KRT40: variants seen among roughly 807,000 people sequenced by gnomAD.
KRT40 encodes the protein keratin, type I cytoskeletal 40.
In KRT40, 47 loss-of-function variants were observed where a neutral mutation model predicts 43.5. The observed-to-expected ratio is 1.08, with a 90% CI of 0.86 to 1.38. The LOEUF (loss-of-function observed/expected upper bound fraction) is 1.38. Ranked by LOEUF, KRT40 falls within the 40% of genes most tolerant of loss-of-function variation. The pLI is 0.00. For synonymous variants in KRT40, 212 were observed against 214.0 expected (o/e 0.99, Z 0.08); for missense variants, 573 against 523.6 (o/e 1.09, Z -0.92).
Position 40,983,071 on chromosome 17 carries a change from G to T in KRT40, c.505C>A (p.Leu169Met). The change falls in exon 2 of 7, where the codon CTG becomes ATG. Residue 169 changes from leucine (L) to methionine (M), a missense_variant. Physicochemically the swap from Leu to Met is conservative, Grantham distance 15. Transcript: ENST00000377755. ...TTTGACTTAAAGTCATCAGTGGCCA[G>T]TTTGCAGTTGTCAAGCTGTACAGCA... The part of the protein sequence containing the change: ...RLAVQLDNCK[L>M]ATDDFKSKYE... The T allele has an allele frequency of 6.8e-7, 1 of 1,468,930 alleles. No homozygotes were observed. The highest frequency in any genetic ancestry group is 9.5e-7 in the Non-Finnish European group (1 of 1,053,264). 91.0% of individuals were successfully genotyped at this position (1,468,930 alleles called of 1,614,324 possible).
At position 40,981,059 on chromosome 17, in the gene KRT40, CT is replaced by C; in HGVS notation, c.779del (p.Glu260GlyfsTer28). On this transcript the variant is annotated frameshift_variant, in exon 4 of 7. Transcript: ENST00000377755. LOFTEE classifies it high-confidence loss of function. ...PTLDLNRVLDEMRCQCETVLA... is the reference protein window; with the variant it reads ...PTLDLNRVLDXMRCQCETVLA... ...GCACCGTTTCACACTGACAGCGCAT[CT>C]CATCCAGGACCCTGTTGAGGTCAAG... 1 of 1,614,258 alleles carries C rather than the reference CT, an allele frequency of 6.2e-7. No individual in the cohort carries two copies. Among genetic ancestry groups the C allele is most frequent in the Non-Finnish European group, 8.5e-7 (1 of 1,180,050 alleles).
chr17:40,978,120 G>T lies in KRT40; in HGVS notation c.*77C>A. On this transcript the variant is annotated 3_prime_UTR_variant, in exon 7 of 7. Coordinates refer to ENST00000377755, the MANE Select transcript of KRT40 (RefSeq NM_001389244.1). ...CCTCCTGGATTTGTGCTTCCGGTTT[G>T]GATGTCCCTGGTTGAAGCCCCATCT... The T allele has an allele frequency of 9.3e-7, 1 of 1,078,122 alleles. No homozygotes were observed. Among genetic ancestry groups the T allele is most frequent in the Non-Finnish European group, 1.4e-6 (1 of 701,446 alleles). The allele number at this position is 1,078,122 out of a possible 1,614,324, so 66.8% of individuals were successfully genotyped here. A position where few individuals can be genotyped will look rare whatever the true frequency, so the allele number is the denominator to read the frequency against.
In KRT40 at chr17:40,983,061, T is replaced by A. The variant is rs763256055; in HGVS notation, c.515A>T (p.Asp172Val). 2.9e-6 allele frequency: 4 copies of A among 1,392,836 alleles called. No homozygotes were observed. The highest frequency in any genetic ancestry group is 4.1e-6 in the Non-Finnish European group (4 of 984,588). The allele number at this position is 1,392,836 out of a possible 1,614,324, so 86.3% of individuals were successfully genotyped here. ...TTAAACTTACTTTGACTTAAAGTCA[T>A]CAGTGGCCAGTTTGCAGTTGTCAAG... The part of the protein sequence containing the change: ...VQLDNCKLAT[D>V]DFKSKYESEL... The change falls in exon 2 of 7, where the codon GAT (aspartate) becomes GTT (valine). Residue 172 changes from aspartate (D) to valine (V), a missense_variant. Physicochemically the swap from Asp to Val is radical, Grantham distance 152 (BLOSUM62 -3). Transcript: ENST00000377755.
chr17:40,982,300 T>G lies in KRT40; in HGVS notation c.687+7A>C, dbSNP rs1446169005. The G allele has an allele frequency of 4.5e-6, 7 of 1,549,572 alleles. No individual in the cohort carries two copies. The African/African-American group carries it at 8.4e-5, about 19-fold the overall frequency. ...GAGTCCTTCAGCGGAGTTGCCACTTTCCTTACCTCTTCATGGTTTTTCTTA... is the reference window on the plus strand; with the variant it reads ...GAGTCCTTCAGCGGAGTTGCCACTTGCCTTACCTCTTCATGGTTTTTCTTA... On this transcript the variant is annotated splice_region_variant and intron_variant, in intron 3 of 6. Transcript: ENST00000377755.
In KRT40 at chr17:40,978,954, C is replaced by T. The variant is rs1487225239; in HGVS notation, c.1046G>A (p.Cys349Tyr). ...CTGGTTCTCCAGGTTATCGATCAGA[C>T]ACTGAATTTGGGCCAGCTGGGAGCT... Reference protein sequence around the residue: ...QYSSQLAQIQCLIDNLENQLA... With the variant: ...QYSSQLAQIQYLIDNLENQLA... The change falls in exon 6 of 7, where the codon TGT becomes TAT. Residue 349 changes from cysteine to tyrosine, a missense_variant. Physicochemically the swap from Cys to Tyr is radical, Grantham distance 194. Transcript: ENST00000377755. 3 of 1,614,110 alleles carry T rather than the reference C, an allele frequency of 1.9e-6. No individual in the cohort carries two copies. Among genetic ancestry groups the T allele is most frequent in the East Asian group, 2.2e-5 (1 of 44,854 alleles).
intron 6 of KRT40, 112 bp downstream of exon 6, chr17:40,978,692 C>G (rs894059180): frequency 9.5e-6 from 8 of 843,950 alleles, no homozygotes; most frequent in Non-Finnish European, 1.5e-5. Flanking sequence ...TTAAGAAGAT[C>G]CCTAAACACA....
rs781642212 is a variant in KRT40 at position 40,978,947 on chromosome 17, G to A, written c.1053C>T (p.Ile351=). 2.5e-6 allele frequency: 4 copies of A among 1,614,092 alleles called. No individual in the cohort carries two copies. In the East Asian group the frequency reaches 6.7e-5, roughly 27 times the overall value. The change falls in exon 6 of 7, where the codon ATC becomes ATT. Residue 351 remains isoleucine (I), a synonymous_variant. Transcript: ENST00000377755. Reference sequence around the variant, plus strand: ...CGGCCAGCTGGTTCTCCAGGTTATCGATCAGACACTGAATTTGGGCCAGCT... The same window carrying A: ...CGGCCAGCTGGTTCTCCAGGTTATCAATCAGACACTGAATTTGGGCCAGCT... ...SSQLAQIQCL[I]DNLENQLAEI...
At position 40,978,078 on chromosome 17, in the gene KRT40, AT is replaced by A. The variant is rs747697053; in HGVS notation, c.*118del. 2.2e-4 allele frequency: 156 copies of A among 713,474 alleles called. No individual in the cohort carries two copies. The highest frequency in any genetic ancestry group is 7.9e-4 in the Middle Eastern group (2 of 2,542). The allele number at this position is 713,474 out of a possible 1,614,324, so 44.2% of individuals were successfully genotyped here. ...AAAGACTGAGGATACCTGGAGGGCA[AT>A]TCCAGGATATGAGAGCCTCCTGGAT... On this transcript the variant is annotated 3_prime_UTR_variant, in exon 7 of 7. Coordinates refer to ENST00000377755, the MANE Select transcript of KRT40 (RefSeq NM_001389244.1).
In KRT40 at chr17:40,978,026, C is replaced by T. The variant is rs1359541051; in HGVS notation, c.*171G>A. On this transcript the variant is annotated 3_prime_UTR_variant, in exon 7 of 7. Coordinates refer to ENST00000377755, the MANE Select transcript of KRT40 (RefSeq NM_001389244.1). ...GGGCTTCCAGTATACCACAAATAAGCCGGAAGGAGAGGAAATAGTAAAGCA... is the reference window on the plus strand; with the variant it reads ...GGGCTTCCAGTATACCACAAATAAGTCGGAAGGAGAGGAAATAGTAAAGCA... 9 of 570,508 alleles carry T rather than the reference C, an allele frequency of 1.6e-5. No homozygotes were observed. The highest frequency in any genetic ancestry group is 7.1e-5 in the South Asian group (3 of 42,438). The allele number at this position is 570,508 out of a possible 1,614,324, so 35.3% of individuals were successfully genotyped here. A position where few individuals can be genotyped will look rare whatever the true frequency, so the allele number is the denominator to read the frequency against.
Position 40,984,190 on chromosome 17 carries a change from G to T in KRT40, c.84C>A (p.Ser28=). The change falls in exon 1 of 7, where the codon TCC becomes TCA. Residue 28 remains serine, a synonymous_variant. Transcript: ENST00000377755. The part of the protein sequence containing the change: ...ASGCAPASSC[S]VETACLPGTC... ...TACCGGGGAGACAAGCTGTTTCCAC[G>T]GAGCAGCTTGAGGCAGGTGCACAAC... 1 of 1,614,032 alleles carries T rather than the reference G, an allele frequency of 6.2e-7. No homozygotes were observed. The highest frequency in any genetic ancestry group is 8.5e-7 in the Non-Finnish European group (1 of 1,179,994).
intron 3 of KRT40, chr17:40,981,415 TTAA>T: frequency 1.5e-6 from 1 of 665,880 alleles, no homozygotes; most frequent in Non-Finnish European, 2.7e-6. Flanking sequence ...CTTATAAAAG[TTAA>T]TTATGACACA....
chr17:40,983,280 C>A (rs2143685913), intron 1 of KRT40, 152 bp from the exon 2 acceptor site: 1 of 485,462 alleles, frequency 2.1e-6, no homozygotes, highest in Non-Finnish European at 3.7e-6. Flanking sequence ...AACCTTGTCA[C>A]TTCATGAAGA....
chr17:40,984,062 G>C lies in KRT40; in HGVS notation c.212C>G (p.Pro71Arg). 1 of 1,614,014 alleles carries C rather than the reference G, an allele frequency of 6.2e-7. No homozygotes were observed. Among genetic ancestry groups the C allele is most frequent in the Middle Eastern group, 1.6e-4 (1 of 6,062 alleles). ...PCYFTGSCNSPCLVGNCAWCE... is the reference protein window; with the variant it reads ...PCYFTGSCNSRCLVGNCAWCE... ...CCAGGCACAGTTCCCCACCAAGCAGGGACTATTACAACTCCCAGTAAAGTA... is the reference window on the plus strand; with the variant it reads ...CCAGGCACAGTTCCCCACCAAGCAGCGACTATTACAACTCCCAGTAAAGTA... The change falls in exon 1 of 7, where the codon CCC (proline) becomes CGC (arginine). Residue 71 changes from proline to arginine, a missense_variant. Coordinates refer to ENST00000377755, the MANE Select transcript of KRT40 (RefSeq NM_001389244.1).
chr17:40,981,692 G>A (rs942697576), intron 3 of KRT40, among the ~76,000 whole-genome samples: 1 of 152,152 alleles, frequency 6.6e-6, no homozygotes, highest in African/African-American at 2.4e-5. Flanking sequence ...ACTGGAGCTA[G>A]GGGTGGCATA....
chr17:40,984,249 G>A lies in KRT40; in HGVS notation c.25C>T (p.His9Tyr). ...GTGCCACAGGACTCAGGAGAGCAGT[G>A]TGTGGAGGAGCAGTCAGAAGTCATC... MTSDCSSTHCSPESCGTAS... is the reference protein window; with the variant it reads MTSDCSSTYCSPESCGTAS... Residue 9 changes from histidine to tyrosine, a missense_variant, in exon 1 of 7, where the codon CAC becomes TAC. His to Tyr is a moderately conservative substitution (Grantham distance 83, BLOSUM62 2). Coordinates refer to ENST00000377755, the MANE Select transcript of KRT40 (RefSeq NM_001389244.1). 1 of 1,611,786 alleles carries A rather than the reference G, an allele frequency of 6.2e-7. No individual in the cohort carries two copies. Among genetic ancestry groups the A allele is most frequent in the Non-Finnish European group, 8.5e-7 (1 of 1,178,406 alleles).
rs542924425 is a variant in KRT40, at chr17:40,979,028, C to T, written c.976-4G>A. Reference sequence around the variant, plus strand: ...CGGTGCATTCCAGAGATTCTGTCTGCGGGAGGAAACATTGTCCAAAGGACC... The same window carrying T: ...CGGTGCATTCCAGAGATTCTGTCTGTGGGAGGAAACATTGTCCAAAGGACC... On this transcript the variant is annotated splice_region_variant and splice_polypyrimidine_tract_variant and intron_variant, in intron 5 of 6. Transcript: ENST00000377755. 82 of 1,610,010 alleles carry T rather than the reference C, an allele frequency of 5.1e-5. No homozygotes were observed. The highest frequency in any genetic ancestry group is 8.9e-5 in the East Asian group (4 of 44,846).
At position 40,982,388 on chromosome 17, in the gene KRT40, C is replaced by A. The variant is rs56278621; in HGVS notation, c.606G>T (p.Leu202=). 1 of 1,612,088 alleles carries A rather than the reference C, an allele frequency of 6.2e-7. No individual in the cohort carries two copies. The highest frequency in any genetic ancestry group is 2.2e-5 in the East Asian group (1 of 44,660). The change falls in exon 3 of 7, where the codon CTG becomes CTT. Residue 202 remains leucine (L), a synonymous_variant. Coordinates refer to ENST00000377755, the MANE Select transcript of KRT40 (RefSeq NM_001389244.1). ...ISSLHGILEE[L]TLCKSDLEAH... ...CCTCCAGATCAGATTTGCACAGGGTCAGTTCCTCCAGGATCCCATGCAGGC... is the reference window on the plus strand; with the variant it reads ...CCTCCAGATCAGATTTGCACAGGGTAAGTTCCTCCAGGATCCCATGCAGGC...
chr17:40,984,558 C>T (rs190454865), upstream of KRT40, among the ~76,000 whole-genome samples: 2 of 152,214 alleles, frequency 1.3e-5, no homozygotes, highest in East Asian at 1.9e-4. Context: ...TTCAGAAAAT[C>T]GTCATAGGAA....
At chr17:40,979,541 A>C (rs1912016549) in intron 5 of KRT40, among the ~76,000 whole-genome samples, 1 of 151,982 alleles carries the variant, frequency 6.6e-6, no homozygotes, top group African/African-American at 2.4e-5. Flanking sequence ...AAGCATTTAG[A>C]ACAGTGCCAG....
Sources: allele counts gnomAD v4.1 joint callset (sites outside exome capture counted in the v4.1 genomes callset), GRCh38; gene constraint gnomAD v4.1.1; transcripts MANE v1.5; gene names NCBI Gene and HGNC (gene_info 2026-07-23, HGNC 2026-07-21).